KLHL23: variants seen among roughly 807,000 people sequenced by gnomAD.
KLHL23 encodes kelch-like protein 23.
A neutral mutation model predicts 48.9 loss-of-function variants in KLHL23; 33 were observed. The ratio of observed to expected loss-of-function variants is 0.67; its 90% CI spans 0.51 to 0.90. KLHL23 has a LOEUF of 0.90. Among genes scored for constraint, KLHL23 ranks in the 40% least tolerant of loss-of-function variants. The pLI is 0.00. For missense variants in KLHL23, 608 were observed against 669.6 expected (o/e 0.91, Z 1.02); for synonymous variants, 234 against 231.6 (o/e 1.01, Z -0.09).
At chr2:169,734,637 A>T (rs1688469203) in intron 1 of KLHL23, among the ~76,000 whole-genome samples, 2 of 152,080 alleles carry the variant, frequency 1.3e-5, no homozygotes, top group Admixed American at 6.5e-5. Context: ...GAAAAGGTTG[A>T]ATTGGGGCCG....
intron 3 of KLHL23, among the ~76,000 whole-genome samples, chr2:169,745,405 C>T (rs186466705): frequency 0.019 from 2,748 of 143,714 alleles, 37 homozygotes; most frequent in Non-Finnish European, 0.024. Context: ...CCTAGCTACT[C>T]GGGAGGCTGA....
chr2:169,749,422 AAT>A lies in KLHL23; in HGVS notation c.1370_1371del (p.Tyr457TrpfsTer8). The A allele has an allele frequency of 6.3e-7, 1 of 1,592,092 alleles. No individual in the cohort carries two copies. The highest frequency in any genetic ancestry group is 8.6e-7 in the Non-Finnish European group (1 of 1,168,566). ...TGTTTTCTTTTTTTCTTTTTAAAAGAATATGGATTGTGCTCAGTTCCGTTTGA... is the reference window on the plus strand; with the variant it reads ...TGTTTTCTTTTTTTCTTTTTAAAAGAATGGATTGTGCTCAGTTCCGTTTGA... On this transcript the variant is annotated frameshift_variant and splice_region_variant, in exon 4 of 4. Coordinates refer to ENST00000392647, the MANE Select transcript of KLHL23 (RefSeq NM_144711.6). LOFTEE classifies it high-confidence loss of function.
Position 169,735,895 on chromosome 2 carries a change from C to A in KLHL23, c.881C>A (p.Pro294His), listed in dbSNP as rs1160031630. 8.7e-6 allele frequency: 14 copies of A among 1,614,000 alleles called. No homozygotes were observed. The highest frequency in any genetic ancestry group is 1.2e-5 in the Non-Finnish European group (14 of 1,180,054). ...HPLSEVHIWDPLTNVWIQGAE... is the reference protein window; with the variant it reads ...HPLSEVHIWDHLTNVWIQGAE... ...TTATCAGAGGTTCACATATGGGATC[C>A]TTTGACAAATGTTTGGATTCAGGGA... The change falls in exon 2 of 4, where the codon CCT becomes CAT. Residue 294 changes from proline to histidine, a missense_variant. Transcript: ENST00000392647. This position sits in a 1 kb window ranked among gnomAD's most constrained non-coding sequence, Gnocchi z 4.5.
chr2:169,748,771 G>GGCC (rs1688866941), intron 3 of KLHL23, among the ~76,000 whole-genome samples: 2 of 110,260 alleles, frequency 1.8e-5, no homozygotes, highest in Non-Finnish European at 4.2e-5. Flanking sequence ...GAGGAGGACC[G>GGCC]CCCCCCCCCC....
chr2:169,750,107 T>TATGTGTATATATACGTATGTATGTATAC lies in KLHL23; in HGVS notation c.*377_*378insGTGTATATATACGTATGTATGTATACAT, dbSNP rs1558952711. 0.049 allele frequency: 362 copies of TATGTGTATATATACGTATGTATGTATAC among 7,348 alleles called. 79 individuals carry two copies. The highest frequency in any genetic ancestry group is 0.11 in the African/African-American group (338 of 3,148). The allele number at this position is 7,348 out of a possible 1,614,324, so 0.5% of individuals were successfully genotyped here. A position where few individuals can be genotyped will look rare whatever the true frequency, so the allele number is the denominator to read the frequency against. ...ATGTATACATATATGTGTATACATATATATGTGTGTATATATATACACATA... is the reference window on the plus strand; with the variant it reads ...ATGTATACATATATGTGTATACATATATGTGTATATATACGTATGTATGTATACATATGTGTGTATATATATACACATA... On this transcript the variant is annotated 3_prime_UTR_variant, in exon 4 of 4. Coordinates refer to ENST00000392647, the MANE Select transcript of KLHL23 (RefSeq NM_144711.6).
At chr2:169,747,630 T>A (rs1204623031) in intron 3 of KLHL23, among the ~76,000 whole-genome samples, 4 of 152,062 alleles carry the variant, frequency 2.6e-5, no homozygotes, top group Non-Finnish European at 5.9e-5. Context: ...TGTATTATTC[T>A]TTCTAAAGAG....
At chr2:169,742,494 C>G (rs1302442436) in intron 3 of KLHL23, among the ~76,000 whole-genome samples, 1 of 152,168 alleles carries the variant, frequency 6.6e-6, no homozygotes, top group African/African-American at 2.4e-5. Flanking sequence ...AAGTGGTAGA[C>G]CAGGGTTCAA....
At chr2:169,741,157 A>G in intron 2 of KLHL23, 1 of 389,408 alleles carries the variant, frequency 2.6e-6, no homozygotes, top group Non-Finnish European at 4.5e-6. Context: ...TTATAATTTT[A>G]TGGAGATCAT....
At chr2:169,743,551 A>G (rs936503830) in intron 3 of KLHL23, among the ~76,000 whole-genome samples, 1 of 152,230 alleles carries the variant, frequency 6.6e-6, no homozygotes, top group African/African-American at 2.4e-5. Flanking sequence ...ATATTTTTGA[A>G]CTGGCTTGTT....
At chr2:169,737,156 T>A (rs1265337005) in intron 2 of KLHL23, among the ~76,000 whole-genome samples, 1 of 152,258 alleles carries the variant, frequency 6.6e-6, no homozygotes, top group Non-Finnish European at 1.5e-5. Flanking sequence ...TTTTGTCATC[T>A]GTATAATGGG....
intron 3 of KLHL23, among the ~76,000 whole-genome samples, chr2:169,745,244 G>A (rs1688766918): frequency 6.6e-6 from 1 of 151,964 alleles, no homozygotes; most frequent in African/African-American, 2.4e-5. Context: ...TGGGCGCGGT[G>A]GCTCACGCCT....
chr2:169,747,356 T>C, intron 3 of KLHL23, among the ~76,000 whole-genome samples: 1 of 114,550 alleles, frequency 8.7e-6, no homozygotes, highest in African/African-American at 3.3e-5. Flanking sequence ...GCCACTGCAC[T>C]CCAGCCTGGG....
intron 3 of KLHL23, among the ~76,000 whole-genome samples, chr2:169,742,370 A>C (rs1688695522): frequency 6.6e-6 from 1 of 152,256 alleles, no homozygotes; most frequent in African/African-American, 2.4e-5. Context: ...GTATTACCTC[A>C]GATTCTCACT....
Position 169,749,752 on chromosome 2 carries a change from C to T in KLHL23, c.*20C>T, listed in dbSNP as rs764651240. 1.7e-5 allele frequency: 27 copies of T among 1,566,104 alleles called. No homozygotes were observed. Among genetic ancestry groups the T allele is most frequent in the Non-Finnish European group, 2.3e-5 (27 of 1,151,422 alleles). ...GTCTAATTGAATCTGCAGAAATGAC[C>T]AAGCAATCACTTTTTTGGAGTATAG... On this transcript the variant is annotated 3_prime_UTR_variant, in exon 4 of 4. Coordinates refer to ENST00000392647, the MANE Select transcript of KLHL23 (RefSeq NM_144711.6).
chr2:169,738,848 CTTCCTCA>C (rs1688588143), intron 2 of KLHL23, among the ~76,000 whole-genome samples: 3 of 4,014 alleles, frequency 7.5e-4, no homozygotes, highest in Admixed American at 3.2e-3. Flanking sequence ...TCCCCCTCCC[CTTCCTCA>C]CCCTCCCCTC....
intron 3 of KLHL23, among the ~76,000 whole-genome samples, chr2:169,748,111 A>G (rs1001736090): frequency 6.6e-6 from 1 of 152,206 alleles, no homozygotes; most frequent in South Asian, 2.1e-4. Context: ...GTGACAGAGC[A>G]AGACCCTGTC....
chr2:169,751,801 G>A lies in KLHL23; in HGVS notation c.*2069G>A, dbSNP rs572379445. The stretch of plus-strand genomic sequence containing the variant: ...AACAAATTCATTGTGTTAGTGTAGC[G>A]GGATATGGAATGACTTTATTTATTT... On this transcript the variant is annotated 3_prime_UTR_variant, in exon 4 of 4. Transcript: ENST00000392647. The A allele has an allele frequency of 3.3e-5, 5 of 152,134 alleles. No individual in the cohort carries two copies. The East Asian group carries it at 5.8e-4, about 18-fold the overall frequency. 9.4% of individuals were successfully genotyped at this position (152,134 alleles called of 1,614,324 possible).
chr2:169,747,338 G>A lies in KLHL23; in HGVS notation c.1367-2084G>A, dbSNP rs994414408. ...CGGGAAGCAGAGGTTGCAGTGAGCCGAGATTGCGCCACTGCACTCCAGCCT... is the reference window on the plus strand; with the variant it reads ...CGGGAAGCAGAGGTTGCAGTGAGCCAAGATTGCGCCACTGCACTCCAGCCT... On this transcript the variant is annotated intron_variant, in intron 3 of 3. Transcript: ENST00000392647. 2.1e-5 allele frequency among the ~76,000 whole-genome samples: 3 copies of A among 142,026 alleles called. No homozygotes were observed. In the Admixed American group the frequency reaches 2.2e-4, roughly 10 times the overall value. 93.2% of individuals were successfully genotyped at this position (142,026 alleles called of 152,430 possible). A position where few individuals can be genotyped will look rare whatever the true frequency, so the allele number is the denominator to read the frequency against.
intron 3 of KLHL23, among the ~76,000 whole-genome samples, chr2:169,746,616 C>T (rs1022814164): frequency 2.0e-5 from 3 of 152,188 alleles, no homozygotes; most frequent in Admixed American, 6.5e-5. Context: ...CAAGAAAAAA[C>T]GCAATTACAG....
Sources: gnomAD v4.1 joint callset for allele counts (sites outside exome capture counted in the v4.1 genomes callset) on GRCh38, gnomAD v4.1.1 for gene constraint, Gnocchi (gnomAD v3.1) non-coding constraint, MANE v1.5 for transcripts, NCBI Gene and HGNC (gene_info 2026-07-23, HGNC 2026-07-21) for gene names.